CACNA2D3: variants seen among roughly 807,000 people sequenced by gnomAD.
The protein encoded by CACNA2D3 is voltage-dependent calcium channel subunit alpha-2/delta-3.
CACNA2D3 carries 60 observed loss-of-function variants against 160.6 expected under a neutral mutation model. The ratio of observed to expected loss-of-function variants is 0.37; its 90% CI spans 0.30 to 0.46. CACNA2D3 has a LOEUF of 0.46. Ranked by LOEUF, CACNA2D3 falls within the 20% of genes least tolerant of loss-of-function variation. The pLI, the probability that CACNA2D3 is intolerant of heterozygous loss-of-function variation, is 1.00. For missense variants in CACNA2D3, 1,205 were observed against 1,365.0 expected (o/e 0.88, Z 1.85); for synonymous variants, 558 against 492.9 (o/e 1.13, Z -1.75).
intron 4 of CACNA2D3, among the ~76,000 whole-genome samples, chr3:54,428,382 A>C (rs1349793519): frequency 1.3e-5 from 2 of 152,200 alleles, no homozygotes; most frequent in Non-Finnish European, 2.9e-5. Context: ...TGCAAACAAT[A>C]AATGTTAAGA....
At chr3:54,846,310 T>G (rs1317721392) in intron 16 of CACNA2D3, 83 bp from the exon 17 acceptor site, 1 of 817,892 alleles carries the variant, frequency 1.2e-6, no homozygotes, top group Admixed American at 2.4e-5. Context: ...AGCTGTAAAT[T>G]ACTAAATGCC....
At chr3:54,216,635 G>A (rs1230222195) in intron 2 of CACNA2D3, among the ~76,000 whole-genome samples, 3 of 152,232 alleles carry the variant, frequency 2.0e-5, no homozygotes, top group Non-Finnish European at 4.4e-5. Context: ...CAGCTGGAAG[G>A]TGGCAGAGCA....
chr3:54,706,201 A>G lies in CACNA2D3; in HGVS notation c.1168-46398A>G, dbSNP rs568501005. 7.9e-5 allele frequency among the ~76,000 whole-genome samples: 12 copies of G among 152,342 alleles called. 1 individual carries two copies. The South Asian group carries it at 2.1e-3, about 26-fold the overall frequency. On this transcript the variant is annotated intron_variant, in intron 11 of 37. Coordinates refer to ENST00000474759, the MANE Select transcript of CACNA2D3 (RefSeq NM_018398.3). ...AGTAAAGTCATCTTTTAACATAAGG[A>G]GATACCTTCTTGCACTTTCTTCAGC...
chr3:54,537,876 C>T (rs147983894), intron 5 of CACNA2D3, among the ~76,000 whole-genome samples: 129 of 152,236 alleles, frequency 8.5e-4, no homozygotes, highest in Non-Finnish European at 1.6e-3. Flanking sequence ...TTGTTTCTGG[C>T]CCCGACTTGT....
intron 2 of CACNA2D3, among the ~76,000 whole-genome samples, chr3:54,289,017 G>A (rs921245911): frequency 6.6e-6 from 1 of 152,108 alleles, no homozygotes; most frequent in Non-Finnish European, 1.5e-5. Context: ...CACAAGACAG[G>A]GATGCCCTCT....
chr3:54,999,413 A>G (rs748839440), intron 31 of CACNA2D3, among the ~76,000 whole-genome samples: 1 of 152,172 alleles, frequency 6.6e-6, no homozygotes, highest in Non-Finnish European at 1.5e-5. Flanking sequence ...GACACATTTT[A>G]TAGCGCAACA....
chr3:54,795,081 A>G (rs1292951603), intron 13 of CACNA2D3, among the ~76,000 whole-genome samples: 1 of 151,212 alleles, frequency 6.6e-6, no homozygotes, highest in Non-Finnish European at 1.5e-5. Flanking sequence ...TTATTTTTCA[A>G]CTTTTTTTTC....
chr3:54,783,906 A>G (rs1382523309), intron 13 of CACNA2D3, among the ~76,000 whole-genome samples: 1 of 152,218 alleles, frequency 6.6e-6, no homozygotes, highest in African/African-American at 2.4e-5. Flanking sequence ...AATGTGTTAA[A>G]CATCACAAAA....
chr3:54,336,691 G>C (rs1355896806), intron 3 of CACNA2D3, among the ~76,000 whole-genome samples: 1 of 152,190 alleles, frequency 6.6e-6, no homozygotes, highest in Non-Finnish European at 1.5e-5. Flanking sequence ...TTTGAAGGCA[G>C]CTAGAGACTC....
At chr3:54,366,503 G>A (rs1698830019) in intron 3 of CACNA2D3, among the ~76,000 whole-genome samples, 1 of 152,198 alleles carries the variant, frequency 6.6e-6, no homozygotes, top group Admixed American at 6.5e-5. Flanking sequence ...CCTCTGATCA[G>A]AAAATGTTTA....
At chr3:54,656,643 G>C (rs537165724) in intron 11 of CACNA2D3, among the ~76,000 whole-genome samples, 2 of 152,326 alleles carry the variant, frequency 1.3e-5, no homozygotes, top group South Asian at 4.1e-4. Flanking sequence ...GGGGCCCACA[G>C]GCCTGGCAGC....
At chr3:54,821,678 T>TTC (rs1359477115) in intron 14 of CACNA2D3, among the ~76,000 whole-genome samples, 1 of 126,582 alleles carries the variant, frequency 7.9e-6, no homozygotes, top group African/African-American at 3.0e-5. Context: ...CTTTCTTTCT[T>TTC]TCTTTCTTTC....
chr3:54,400,889 C>G (rs1051303791), intron 4 of CACNA2D3, among the ~76,000 whole-genome samples: 36 of 152,002 alleles, frequency 2.4e-4, no homozygotes, highest in African/African-American at 8.5e-4. Context: ...TCTCTAGTAA[C>G]TTACTCCAAG....
In CACNA2D3 at chr3:54,585,979, T is replaced by C. The variant is rs911350341; in HGVS notation, c.963+4102T>C. On this transcript the variant is annotated intron_variant, in intron 9 of 37. Transcript: ENST00000474759. ...CATATGCTGACTATAAGAAACTCAT[T>C]TGAGGCCTGGCACAGTGGTTCATGC... is the stretch of plus-strand genomic sequence containing the variant. Among the ~76,000 whole-genome samples the C allele has an allele frequency of 2.6e-5, 4 of 151,574 alleles. No homozygotes were observed. The South Asian group carries it at 6.2e-4, about 24-fold the overall frequency.
At chr3:54,166,348 C>G (rs1468145861) in intron 2 of CACNA2D3, among the ~76,000 whole-genome samples, 1 of 152,154 alleles carries the variant, frequency 6.6e-6, no homozygotes, top group Non-Finnish European at 1.5e-5. Context: ...TGCTGAATAC[C>G]ATTAATCTTA....
chr3:54,800,955 G>C (rs976908140), intron 13 of CACNA2D3, among the ~76,000 whole-genome samples: 12 of 151,094 alleles, frequency 7.9e-5, no homozygotes, highest in Non-Finnish European at 1.6e-4. Flanking sequence ...GGCTTATCCA[G>C]ATAATCTGTA....
chr3:54,459,807 T>C (rs1467524748), intron 4 of CACNA2D3, among the ~76,000 whole-genome samples: 2 of 152,248 alleles, frequency 1.3e-5, no homozygotes, highest in Middle Eastern at 3.2e-3. Flanking sequence ...TTGGCTTTTG[T>C]TGCTATTGCT....
chr3:54,400,605 G>C (rs894098172), intron 4 of CACNA2D3, among the ~76,000 whole-genome samples: 1 of 152,194 alleles, frequency 6.6e-6, no homozygotes, highest in Non-Finnish European at 1.5e-5. Context: ...CTACAGCCTA[G>C]TCTACCAGAC....
intron 13 of CACNA2D3, among the ~76,000 whole-genome samples, chr3:54,805,636 G>C (rs1318996934): frequency 6.6e-6 from 1 of 152,182 alleles, no homozygotes; most frequent in Non-Finnish European, 1.5e-5. Flanking sequence ...AAGAGGAATT[G>C]GTACCATTCC....
Sources: allele counts gnomAD v4.1 joint callset (sites outside exome capture counted in the v4.1 genomes callset), GRCh38; gene constraint gnomAD v4.1.1; transcripts MANE v1.5; gene names NCBI Gene and HGNC (gene_info 2026-07-23, HGNC 2026-07-21).